Variants in MTTP observed in about 807,000 individuals in gnomAD.
The protein encoded by MTTP is microsomal triglyceride transfer protein.
In MTTP, 49 loss-of-function variants were observed where a neutral mutation model predicts 90.6. That is an observed-to-expected ratio of 0.54 (90% CI 0.43 to 0.69). The LOEUF is 0.69. MTTP is among the 30% of genes least tolerant of loss of function. The probability of loss-of-function intolerance (pLI) is 0.00; values close to 1 mark genes in which losing one functional copy is unlikely to be tolerated. For missense variants in MTTP, 945 were observed against 1,067.5 expected (o/e 0.89, Z 1.60); for synonymous variants, 347 against 384.2 (o/e 0.90, Z 1.13).
chr4:99,580,811 T>C (rs1317233271), intron 1 of MTTP, among the ~76,000 whole-genome samples: 1 of 152,104 alleles, frequency 6.6e-6, no homozygotes, highest in East Asian at 1.9e-4. Flanking sequence ...CTGTCATATG[T>C]AGAGGAGACA....
At chr4:99,601,803 A>T (rs1725705296) in intron 10 of MTTP, 89 bp downstream of exon 10, 2 of 1,015,104 alleles carry the variant, frequency 2.0e-6, no homozygotes, top group African/African-American at 3.2e-5. Flanking sequence ...GGCACTCCTA[A>T]TTCTCTTTAC....
chr4:99,568,478 A>C (rs1211224523), intron 1 of MTTP, among the ~76,000 whole-genome samples: 1 of 152,194 alleles, frequency 6.6e-6, no homozygotes, highest in East Asian at 1.9e-4. Flanking sequence ...ACTCTGATGA[A>C]AGAAGTCAAA....
At position 99,577,621 on chromosome 4, in the gene MTTP, AAG is replaced by A. The variant is rs1401388847; in HGVS notation, c.61+2653_61+2654del. 4.9e-4 allele frequency among the ~76,000 whole-genome samples: 65 copies of A among 132,146 alleles called. 1 individual carries two copies. Among genetic ancestry groups the A allele is most frequent in the African/African-American group, 1.4e-3 (51 of 36,550 alleles). 86.7% of individuals were successfully genotyped at this position (132,146 alleles called of 152,430 possible). ...ACTCTGTTTCAAAAAAAAAAAAAAA[AAG>A]AAAGAAAAGAAAGAAAGGAAGGAAG... On this transcript the variant is annotated intron_variant, in intron 1 of 17. Transcript: ENST00000265517.
chr4:99,583,750 T>A, intron 3 of MTTP: 1 of 601,074 alleles, frequency 1.7e-6, no homozygotes, highest in South Asian at 2.2e-5. Flanking sequence ...ATCTTTATAG[T>A]GGAATGAAGT....
At chr4:99,621,035 T>G in intron 16 of MTTP, 26 bp from the exon 17 acceptor site, 1 of 1,609,786 alleles carries the variant, frequency 6.2e-7, no homozygotes, top group Non-Finnish European at 8.5e-7. Context: ...ATGAACAAGT[T>G]TTTTCTTTTT....
Position 99,618,739 on chromosome 4 carries a change from T to C in MTTP, c.2218-235T>C, listed in dbSNP as rs1032355. On this transcript the variant is annotated intron_variant, in intron 15 of 17. Transcript: ENST00000265517. ...GATTGAAGGAAAACATCCTTCTTAATTGGCACTTCATCACTCTGGTATTTT... is the reference window on the plus strand; with the variant it reads ...GATTGAAGGAAAACATCCTTCTTAACTGGCACTTCATCACTCTGGTATTTT... Among the ~76,000 whole-genome samples, 39,853 of 152,120 alleles carry C rather than the reference T, an allele frequency of 0.26. 6,351 individuals carry two copies. The highest frequency in any genetic ancestry group is 0.44 in the African/African-American group (18,156 of 41,466).
At chr4:99,574,787 A>G (rs775492267), upstream of MTTP, 26 of 1,598,362 alleles carry the variant, frequency 1.6e-5, no homozygotes, top group African/African-American at 2.7e-5. Flanking sequence ...CCTTTCCCCA[A>G]AGATAAACAT....
intron 12 of MTTP, 129 bp from the exon 13 acceptor site, chr4:99,611,014 G>C (rs936552575): frequency 2.2e-5 from 19 of 879,538 alleles, no homozygotes; most frequent in Non-Finnish European, 3.2e-5. Context: ...CACCACCCTG[G>C]CTCTTGGAAA....
At position 99,597,276 on chromosome 4, in the gene MTTP, T is replaced by C. The variant is rs530662395; in HGVS notation, c.1067+52T>C. On this transcript the variant is annotated intron_variant, in intron 8 of 17. Coordinates refer to ENST00000265517, the MANE Select transcript of MTTP (RefSeq NM_001386140.1). ...TTGTCTGTCAGAAACATTTCTGGAT[T>C]GTTGGTTTTTTGAAGTAAGAAAGAC... The C allele has an allele frequency of 1.7e-5, 27 of 1,601,872 alleles. No individual in the cohort carries two copies. In the African/African-American group the frequency reaches 2.9e-4, roughly 17 times the overall value.
chr4:99,564,321 G>A, intron 1 of MTTP: 1 of 1,286,020 alleles, frequency 7.8e-7, no homozygotes, highest in Admixed American at 2.4e-5. Flanking sequence ...TTTCTGTGTT[G>A]AAAATGAGAG....
rs751913037 is a variant in MTTP, at chr4:99,591,341, C to T, written c.608C>T (p.Thr203Ile). The change falls in exon 5 of 18, where the codon ACC becomes ATC. Residue 203 changes from threonine to isoleucine, a missense_variant. Coordinates refer to ENST00000265517, the MANE Select transcript of MTTP (RefSeq NM_001386140.1). ...SCKIARSGFT[T>I]PNQVLGVSSK... Reference sequence around the variant, plus strand: ...AAAATAGCGAGGTCTGGATTTACGACCCCAAATCAGGTATGATAGATGTCA... The same window carrying T: ...AAAATAGCGAGGTCTGGATTTACGATCCCAAATCAGGTATGATAGATGTCA... 4 of 1,608,212 alleles carry T rather than the reference C, an allele frequency of 2.5e-6. No homozygotes were observed. Among genetic ancestry groups the T allele is most frequent in the Non-Finnish European group, 3.4e-6 (4 of 1,174,754 alleles).
In MTTP at chr4:99,564,267, T is replaced by G. The variant is rs573477856; in HGVS notation, c.-102+30T>G. ...GTATTGGATGAAGGAATTAAGATAG[T>G]CCCACTGTTAAAAATGCAAAACAAC... is the stretch of plus-strand genomic sequence containing the variant. On this transcript the variant is annotated intron_variant, in intron 1 of 18. Coordinates refer to the MTTP transcript ENST00000457717. 27 of 1,527,598 alleles carry G rather than the reference T, an allele frequency of 1.8e-5. 1 individual carries two copies. The South Asian group carries it at 2.9e-4, about 16-fold the overall frequency. The allele number at this position is 1,527,598 out of a possible 1,614,324, so 94.6% of individuals were successfully genotyped here.
At chr4:99,611,055 TC>T in intron 12 of MTTP, 87 bp from the exon 13 acceptor site, 1 of 1,452,038 alleles carries the variant, frequency 6.9e-7, no homozygotes, top group Non-Finnish European at 9.6e-7. Flanking sequence ...TCCTCTTTTT[TC>T]CACTGAGGAT....
At chr4:99,596,905 G>T (rs554708523) in intron 7 of MTTP, among the ~76,000 whole-genome samples, 162 bp from the exon 8 acceptor site, 1 of 152,136 alleles carries the variant, frequency 6.6e-6, no homozygotes, top group African/African-American at 2.4e-5. Flanking sequence ...AGTCCCAGGG[G>T]TATGATATGG....
intron 3 of MTTP, among the ~76,000 whole-genome samples, chr4:99,585,216 TGCTGACTAAAG>T (rs1725228813): frequency 6.6e-6 from 1 of 152,162 alleles, no homozygotes; most frequent in Admixed American, 6.6e-5. Context: ...GTGTGCTAGG[TGCTGACTAAAG>T]GCATTACACG....
At chr4:99,573,597 T>G (rs1011983399), upstream of MTTP, among the ~76,000 whole-genome samples, 8 of 152,278 alleles carry the variant, frequency 5.3e-5, no homozygotes, top group East Asian at 1.5e-3. Flanking sequence ...ATATATATAA[T>G]TCAAGAGGAA....
At chr4:99,605,590 T>C (rs936605210) in intron 10 of MTTP, among the ~76,000 whole-genome samples, 1 of 152,188 alleles carries the variant, frequency 6.6e-6, no homozygotes, top group African/African-American at 2.4e-5. Context: ...GGGATAGAGT[T>C]GCTGGTCAAA....
At position 99,611,406 on chromosome 4, in the gene MTTP, C is replaced by G; in HGVS notation, c.1942C>G (p.Leu648Val). The change falls in exon 14 of 18, where the codon CTG (leucine) becomes GTG (valine). Residue 648 changes from leucine (L) to valine (V), a missense_variant. By Grantham distance (32) the Leu-to-Val change is conservative. Transcript: ENST00000265517. ...SGSGILRRSN[L>V]NIFQYIGKAG... is the part of the protein sequence containing the mutation. ...TTCTGGCATTCTAAGGAGAAGTAAC[C>G]TGAACATCTTTCAGTACATTGGGAA... 1 of 1,614,066 alleles carries G rather than the reference C, an allele frequency of 6.2e-7. No individual in the cohort carries two copies.
intron 7 of MTTP, chr4:99,595,374 A>C (rs1471278899): frequency 5.6e-6 from 1 of 178,616 alleles, no homozygotes; most frequent in Non-Finnish European, 1.2e-5. Flanking sequence ...TCCTGTCAGA[A>C]ATGCGATATC....
Sources: gnomAD v4.1 joint callset for allele counts (sites outside exome capture counted in the v4.1 genomes callset) on GRCh38, gnomAD v4.1.1 for gene constraint, MANE v1.5 for transcripts, NCBI Gene and HGNC (gene_info 2026-07-23, HGNC 2026-07-21) for gene names.